The following FHAD1 variants were observed in gnomAD, a reference collection of about 807,000 sequenced individuals.
The protein encoded by FHAD1 is forkhead-associated domain-containing protein 1.
FHAD1 carries 146 observed loss-of-function variants against 191.3 expected under a neutral mutation model. That is an observed-to-expected ratio of 0.76 (90% confidence interval 0.67 to 0.88). FHAD1 has a LOEUF of 0.88. Ranked by LOEUF, FHAD1 falls within the 40% of genes least tolerant of loss-of-function variation. The pLI, the probability that FHAD1 is intolerant of heterozygous loss-of-function variation, is 0.00. For synonymous variants in FHAD1, 616 were observed against 672.3 expected, an observed-to-expected ratio of 0.92 and a Z score of 1.29; for missense variants, 1,635 against 1,785.8, an observed-to-expected ratio of 0.92 and a Z score of 1.52.
At chr1:15,257,729 GA>G in intron 2 of FHAD1, among the ~76,000 whole-genome samples, 1 of 152,196 alleles carries the variant, frequency 6.6e-6, no homozygotes, top group South Asian at 2.1e-4. Flanking sequence ...GAAGTTCCAA[GA>G]AAAGGACTAG....
intron 15 of FHAD1, among the ~76,000 whole-genome samples, chr1:15,340,966 G>T (rs1031336111): frequency 1.3e-5 from 2 of 152,124 alleles, no homozygotes; most frequent in African/African-American, 4.8e-5. Context: ...TGGATCACCT[G>T]AGGTCAGGAG....
intron 18 of FHAD1, among the ~76,000 whole-genome samples, chr1:15,346,753 G>C (rs1329769881): frequency 6.6e-6 from 1 of 152,208 alleles, no homozygotes; most frequent in Non-Finnish European, 1.5e-5. Flanking sequence ...GCACAGAGGA[G>C]TGCGGGCTTT....
At chr1:15,266,684 C>T (rs1653670060) in intron 2 of FHAD1, among the ~76,000 whole-genome samples, 1 of 152,044 alleles carries the variant, frequency 6.6e-6, no homozygotes. Context: ...AGGTATTCAC[C>T]AATATAGAAT....
chr1:15,305,702 A>T, intron 6 of FHAD1: 1 of 429,466 alleles, frequency 2.3e-6, no homozygotes, highest in Non-Finnish European at 4.6e-6. Flanking sequence ...ATGAGATCTG[A>T]TGGTTTTATC....
In FHAD1 at chr1:15,381,484, GC is replaced by G. The variant is rs974494388; in HGVS notation, c.4022+36del. The stretch of plus-strand genomic sequence containing the variant: ...GGCACCCCCATGTCCCCACAGAAAG[GC>G]CCGGGCCTCCCTTCTCCTGGCTAAA... On this transcript the variant is annotated intron_variant, in intron 30 of 33. Transcript: ENST00000688493. This position sits in a 1 kb window ranked among gnomAD's most constrained non-coding sequence, Gnocchi z 4.6. 3.4e-5 allele frequency: 51 copies of G among 1,510,512 alleles called. No homozygotes were observed. The highest frequency in any genetic ancestry group is 4.5e-5 in the Non-Finnish European group (50 of 1,111,472). The allele number at this position is 1,510,512 out of a possible 1,614,324, so 93.6% of individuals were successfully genotyped here. A position where few individuals can be genotyped will look rare whatever the true frequency, so the allele number is the denominator to read the frequency against.
intron 15 of FHAD1, among the ~76,000 whole-genome samples, chr1:15,340,925 T>A (rs1056348023): frequency 3.9e-5 from 6 of 152,246 alleles, no homozygotes; most frequent in Admixed American, 3.3e-4. Flanking sequence ...CTCATGCCTG[T>A]AATCCCAGCG....
In FHAD1 at chr1:15,316,849, A is replaced by C. The variant is rs1472506836; in HGVS notation, c.1260+382A>C. Among the ~76,000 whole-genome samples, 1 of 152,188 alleles carries C rather than the reference A, an allele frequency of 6.6e-6. No individual in the cohort carries two copies. Among genetic ancestry groups the C allele is most frequent in the Non-Finnish European group, 1.5e-5 (1 of 68,028 alleles). ...CCTAGCCACAGGCACCATTGTTGAC[A>C]CTTCCTGAAGTATTTTTATTTAAAC... On this transcript the variant is annotated intron_variant, in intron 9 of 33. Coordinates refer to ENST00000688493, the MANE Select transcript of FHAD1 (RefSeq NM_001391957.1). The surrounding 1 kb of genome is among the most constrained non-coding windows in gnomAD (Gnocchi z 4.3).
rs575796963 is a variant in FHAD1, at chr1:15,382,306, G to A, written c.4188+113G>A. The A allele has an allele frequency of 2.4e-4, 254 of 1,037,758 alleles. No homozygotes were observed. In the African/African-American group the frequency reaches 3.7e-3, roughly 15 times the overall value. 64.3% of individuals were successfully genotyped at this position (1,037,758 alleles called of 1,614,324 possible). A position where few individuals can be genotyped will look rare whatever the true frequency, so the allele number is the denominator to read the frequency against. Reference sequence around the variant, plus strand: ...GGTAGCACAGAACACAGGGATGGATGCAAAGGGAGGCAACTGGATAGCTTT... The same window carrying A: ...GGTAGCACAGAACACAGGGATGGATACAAAGGGAGGCAACTGGATAGCTTT... On this transcript the variant is annotated intron_variant, in intron 31 of 33. Coordinates refer to ENST00000688493, the MANE Select transcript of FHAD1 (RefSeq NM_001391957.1).
intron 3 of FHAD1, among the ~76,000 whole-genome samples, chr1:15,287,824 G>A (rs1573995655): frequency 6.6e-6 from 1 of 152,168 alleles, no homozygotes; most frequent in East Asian, 1.9e-4. Flanking sequence ...CCTGAGTGGA[G>A]AGCCCTCCTT....
At chr1:15,362,577 T>G (rs1570248560) in intron 22 of FHAD1, 65 bp from the exon 23 acceptor site, 1 of 1,304,224 alleles carries the variant, frequency 7.7e-7, no homozygotes, top group South Asian at 1.3e-5. Flanking sequence ...AAGACACAGG[T>G]GTGCTTGTAA....
rs1275333000 is a variant in FHAD1, at chr1:15,272,388, C to T, written c.159C>T (p.Leu53=). The T allele has an allele frequency of 1.9e-6, 3 of 1,551,612 alleles. No individual in the cohort carries two copies. Among genetic ancestry groups the T allele is most frequent in the Non-Finnish European group, 2.6e-6 (3 of 1,146,996 alleles). ...ACGAGGCGGAGTGCAGCTTTGTTCT[C>T]CAGGACTTCAATTCCCGCAACGGCA... ...EYNEAECSFV[L]QDFNSRNGTF... is the part of the protein sequence containing the mutation. The change falls in exon 3 of 34, where the codon CTC becomes CTT. Residue 53 remains leucine, a synonymous_variant. Transcript: ENST00000688493.
chr1:15,312,817 A>G lies in FHAD1; in HGVS notation c.1040-240A>G, dbSNP rs1292596264. On this transcript the variant is annotated intron_variant, in intron 7 of 33. Coordinates refer to ENST00000688493, the MANE Select transcript of FHAD1 (RefSeq NM_001391957.1). This position sits in a 1 kb window ranked among gnomAD's most constrained non-coding sequence, Gnocchi z 4.7. The stretch of plus-strand genomic sequence containing the variant: ...TTGTTCCCAGGCAGGGCCGATGCCC[A>G]CAGCACCCCGACAGATGTTTCCTGT... Among the ~76,000 whole-genome samples the G allele has an allele frequency of 1.3e-5, 2 of 152,108 alleles. No individual in the cohort carries two copies. The highest frequency in any genetic ancestry group is 2.9e-5 in the Non-Finnish European group (2 of 67,998).
chr1:15,329,391 G>A lies in FHAD1; in HGVS notation c.1756G>A (p.Val586Ile). 6.4e-7 allele frequency: 1 copy of A among 1,550,988 alleles called. No individual in the cohort carries two copies. Among genetic ancestry groups the A allele is most frequent in the Non-Finnish European group, 8.7e-7 (1 of 1,146,658 alleles). ...TTGCAGCCATGACCTGAAGAAGGAG[G>A]TCGACCTTCTTCAGCACCTCCAGGT... ...SCCSHDLKKEVDLLQHLQVSP... is the reference protein window; with the variant it reads ...SCCSHDLKKEIDLLQHLQVSP... The change falls in exon 14 of 34, where the codon GTC (valine) becomes ATC (isoleucine). Residue 586 changes from valine to isoleucine, a missense_variant. Val to Ile is a conservative substitution (Grantham distance 29). Coordinates refer to ENST00000688493, the MANE Select transcript of FHAD1 (RefSeq NM_001391957.1). The surrounding 1 kb of genome is among the most constrained non-coding windows in gnomAD (Gnocchi z 5.0).
At chr1:15,260,284 A>G (rs1210786836) in intron 2 of FHAD1, among the ~76,000 whole-genome samples, 1 of 152,182 alleles carries the variant, frequency 6.6e-6, no homozygotes, top group East Asian at 1.9e-4. Flanking sequence ...CTGTGTGTGT[A>G]TGGTGGGGAA....
At chr1:15,251,981 A>C (rs368956324) in intron 2 of FHAD1, 104 bp downstream of exon 2, 1 of 947,220 alleles carries the variant, frequency 1.1e-6, no homozygotes. Context: ...GTACACCACA[A>C]CCTGGGCAAG....
At chr1:15,331,836 G>C in intron 14 of FHAD1, among the ~76,000 whole-genome samples, 1 of 152,098 alleles carries the variant, frequency 6.6e-6, no homozygotes, top group East Asian at 1.9e-4. Context: ...TTGAAGAACA[G>C]CCAGAGAACT....
chr1:15,350,760 G>A (rs1458642552), intron 19 of FHAD1, among the ~76,000 whole-genome samples: 1 of 152,210 alleles, frequency 6.6e-6, no homozygotes, highest in Non-Finnish European at 1.5e-5. Context: ...CACCTGCCCT[G>A]GTGAGGTCAG....
At chr1:15,248,239 AATGAACAG>A (rs1218002646) in intron 1 of FHAD1, among the ~76,000 whole-genome samples, 1 of 152,142 alleles carries the variant, frequency 6.6e-6, no homozygotes, top group Non-Finnish European at 1.5e-5. Context: ...AGAGGGGAGT[AATGAACAG>A]ACTGTGAGGA....
At chr1:15,284,632 G>T (rs527704123) in intron 3 of FHAD1, among the ~76,000 whole-genome samples, 1 of 152,154 alleles carries the variant, frequency 6.6e-6, no homozygotes, top group African/African-American at 2.4e-5. Flanking sequence ...GCGTTTTAGG[G>T]TGTCCTTCTC....
Sources: allele counts gnomAD v4.1 joint callset (sites outside exome capture counted in the v4.1 genomes callset), GRCh38; gene constraint gnomAD v4.1.1; non-coding constraint Gnocchi (gnomAD v3.1); transcripts MANE v1.5; gene names NCBI Gene and HGNC (gene_info 2026-07-23, HGNC 2026-07-21).